The following OGDH variants were observed in gnomAD, a reference collection of about 807,000 sequenced individuals.
OGDH encodes the protein oxoglutarate dehydrogenase.
In OGDH, 38 loss-of-function variants were observed where a neutral mutation model predicts 116.6. The ratio of observed to expected loss-of-function variants is 0.33; its 90% confidence interval spans 0.25 to 0.43. The LOEUF is 0.43. Ranked by LOEUF, OGDH falls within the 20% of genes least tolerant of loss-of-function variation. The pLI is 1.00. For missense variants in OGDH, 825 were observed against 1,357.2 expected (o/e 0.61, Z 6.16); for synonymous variants, 488 against 533.3 (o/e 0.92, Z 1.17).
chr7:44,663,508 C>G (rs542728057), intron 4 of OGDH, among the ~76,000 whole-genome samples: 13 of 152,294 alleles, frequency 8.5e-5, no homozygotes, highest in African/African-American at 3.1e-4. Flanking sequence ...GTGGCTCACG[C>G]CTTTAATCCC....
intron 1 of OGDH, among the ~76,000 whole-genome samples, chr7:44,616,846 T>TGTATATATATACACATATATATATAC (rs1784818522): frequency 1.6e-5 from 2 of 124,842 alleles, no homozygotes; most frequent in African/African-American, 3.1e-5. Flanking sequence ...CACATATACG[T>TGTATATATATACACATATATATATAC]GTATATATAT....
chr7:44,656,219 T>A, intron 4 of OGDH: 2 of 1,137,524 alleles, frequency 1.8e-6, no homozygotes, highest in South Asian at 2.7e-5. Context: ...GTTACTGTGG[T>A]AATGGTGTAG....
At position 44,707,187 on chromosome 7, in the gene OGDH, C is replaced by T. The variant is rs769551553; in HGVS notation, c.2633-38C>T. On this transcript the variant is annotated intron_variant, in intron 20 of 22. Transcript: ENST00000222673. The surrounding 1 kb of genome is among the most constrained non-coding windows in gnomAD (Gnocchi z 5.2). ...CCCAGGAGAGCTCTCAGCCACATAC[C>T]TGAGAGAACCAGCCTAGCCATGGGA... The T allele has an allele frequency of 6.2e-7, 1 of 1,609,228 alleles. No homozygotes were observed. Among genetic ancestry groups the T allele is most frequent in the Non-Finnish European group, 8.5e-7 (1 of 1,177,254 alleles).
chr7:44,676,287 G>A, intron 9 of OGDH, 138 bp downstream of exon 9: 5 of 1,530,834 alleles, frequency 3.3e-6, no homozygotes, highest in African/African-American at 1.4e-5. Flanking sequence ...CGGGCGCAGT[G>A]TCTCACGCCT....
In OGDH at chr7:44,632,733, C is replaced by T. The variant is rs534790109; in HGVS notation, c.222+8168C>T. On this transcript the variant is annotated intron_variant, in intron 2 of 22. Transcript: ENST00000222673. The stretch of plus-strand genomic sequence containing the variant: ...CCCCGGGTTCAAGTGATTCACCTGC[C>T]TCAGGCTCCCAAGTAGCTGGGACCA... Among the ~76,000 whole-genome samples, 5 of 152,162 alleles carry T rather than the reference C, an allele frequency of 3.3e-5. No individual in the cohort carries two copies. The East Asian group carries it at 9.8e-4, about 30-fold the overall frequency.
Position 44,707,989 on chromosome 7 carries a change from ACTT to A in OGDH, c.3065_3067del (p.Phe1022del), listed in dbSNP as rs1461250162. ...GCCTTCGACCTGGACGTCTTCAAGA[ACTT>A]CTCGTAGATGCTGCCTAGGGTTGCT... On this transcript the variant is annotated inframe_deletion, in exon 23 of 23. Coordinates refer to ENST00000222673, the MANE Select transcript of OGDH (RefSeq NM_002541.4). This position sits in a 1 kb window ranked among gnomAD's most constrained non-coding sequence, Gnocchi z 5.2. 4.3e-6 allele frequency: 7 copies of A among 1,613,172 alleles called. 1 individual carries two copies. The highest frequency in any genetic ancestry group is 3.3e-5 in the South Asian group (3 of 91,078).
At chr7:44,642,454 T>G (rs903331647) in intron 2 of OGDH, among the ~76,000 whole-genome samples, 2 of 151,706 alleles carry the variant, frequency 1.3e-5, no homozygotes, top group African/African-American at 4.8e-5. Context: ...AAGGAAAGTT[T>G]GCAGCCTTTT....
chr7:44,653,229 AT>A (rs1384852378), intron 4 of OGDH, among the ~76,000 whole-genome samples: 1 of 152,000 alleles, frequency 6.6e-6, no homozygotes, highest in Non-Finnish European at 1.5e-5. Context: ...AGTAGCCAGG[AT>A]TACAGATGTG....
intron 1 of OGDH, among the ~76,000 whole-genome samples, chr7:44,607,039 A>G (rs529834695): frequency 6.6e-6 from 1 of 152,324 alleles, no homozygotes; most frequent in Non-Finnish European, 1.5e-5. Context: ...CGCGGGCGTC[A>G]CGTGGTTAGG....
Position 44,629,681 on chromosome 7 carries a change from G to C in OGDH, c.222+5116G>C, listed in dbSNP as rs1585244603. Among the ~76,000 whole-genome samples the C allele has an allele frequency of 2.7e-5, 4 of 148,542 alleles. No homozygotes were observed. In the East Asian group the frequency reaches 8.2e-4, roughly 31 times the overall value. Reference sequence around the variant, plus strand: ...TGCAACTTCCGCTTCCTGGGTTCAAGCAATTCTCGTACCTCAGTCTCCCAG... The same window carrying C: ...TGCAACTTCCGCTTCCTGGGTTCAACCAATTCTCGTACCTCAGTCTCCCAG... On this transcript the variant is annotated intron_variant, in intron 2 of 22. Coordinates refer to ENST00000222673, the MANE Select transcript of OGDH (RefSeq NM_002541.4).
chr7:44,612,476 T>G (rs1262110506), intron 1 of OGDH, among the ~76,000 whole-genome samples: 1 of 151,310 alleles, frequency 6.6e-6, no homozygotes, highest in African/African-American at 2.4e-5. Flanking sequence ...CTCTGCATCC[T>G]GGGTTCAAGC....
At chr7:44,610,900 G>GC (rs1784538129) in intron 1 of OGDH, among the ~76,000 whole-genome samples, 1 of 152,110 alleles carries the variant, frequency 6.6e-6, no homozygotes, top group African/African-American at 2.4e-5. Flanking sequence ...GAGCCACCGC[G>GC]CTCAGCCCCT....
intron 2 of OGDH, among the ~76,000 whole-genome samples, chr7:44,627,623 A>G (rs1357134421): frequency 6.6e-6 from 1 of 152,158 alleles, no homozygotes; most frequent in Non-Finnish European, 1.5e-5. Context: ...CAAACTCAGC[A>G]TCTTCCTCTC....
chr7:44,696,574 T>C lies in OGDH; in HGVS notation c.1900+17T>C, dbSNP rs1196547109. 1 of 1,613,892 alleles carries C rather than the reference T, an allele frequency of 6.2e-7. No homozygotes were observed. Among genetic ancestry groups the C allele is most frequent in the African/African-American group, 1.3e-5 (1 of 74,956 alleles). ...TTCATGGAGGTAACACGCTCTGTGC[T>C]GACCTGTGGAAATGTTGGGGCCCAG... On this transcript the variant is annotated intron_variant, in intron 14 of 22. Coordinates refer to ENST00000222673, the MANE Select transcript of OGDH (RefSeq NM_002541.4).
intron 4 of OGDH, among the ~76,000 whole-genome samples, chr7:44,662,445 CTTTCTTTTCT>C (rs1159773572): frequency 1.8e-4 from 27 of 148,270 alleles, no homozygotes; most frequent in Admixed American, 1.2e-3. Flanking sequence ...TGTGCCATTT[CTTTCTTTTCT>C]TTTCTTTTCT....
rs1562661197 is a variant in OGDH at position 44,674,401 on chromosome 7, C to T, written c.789-10C>T. The T allele has an allele frequency of 6.2e-7, 1 of 1,614,010 alleles. No homozygotes were observed. The highest frequency in any genetic ancestry group is 1.1e-5 in the South Asian group (1 of 91,070). ...CATTGCCCTTCAAGGTGGCTTGGTT[C>T]CCTGTCCAGGTTTGAGGAGTTCCTA... On this transcript the variant is annotated splice_polypyrimidine_tract_variant and intron_variant, in intron 6 of 22. Coordinates refer to ENST00000222673, the MANE Select transcript of OGDH (RefSeq NM_002541.4).
At chr7:44,637,001 C>T (rs946102885) in intron 2 of OGDH, among the ~76,000 whole-genome samples, 2 of 152,118 alleles carry the variant, frequency 1.3e-5, no homozygotes, top group Admixed American at 1.3e-4. Flanking sequence ...CAAAAGTCAG[C>T]CATTACCCTG....
In OGDH at chr7:44,647,747, A is replaced by G. The variant is rs200229019; in HGVS notation, c.505A>G (p.Thr169Ala). 1.3e-4 allele frequency: 206 copies of G among 1,613,900 alleles called. No individual in the cohort carries two copies. The highest frequency in any genetic ancestry group is 6.3e-5 in the Non-Finnish European group (74 of 1,179,892). ...SSVPADIISSTDKLGFYGLDE... is the reference protein window; with the variant it reads ...SSVPADIISSADKLGFYGLDE... Reference sequence around the variant, plus strand: ...CGTGCCCGCTGACATTATCTCATCCACAGACAAACTTGGTGAGGGTCTGAG... The same window carrying G: ...CGTGCCCGCTGACATTATCTCATCCGCAGACAAACTTGGTGAGGGTCTGAG... The change falls in exon 4 of 23, where the codon ACA (threonine) becomes GCA (alanine). Residue 169 changes from threonine (T) to alanine (A), a missense_variant. By Grantham distance (58) the Thr-to-Ala change is moderately conservative. Around this residue, in one of 7 missense-constraint regions of OGDH, gnomAD observed 171 missense variants for 276.8 expected, o/e 0.62. Transcript: ENST00000222673.
intron 3 of OGDH, among the ~76,000 whole-genome samples, chr7:44,646,476 C>T (rs1430747511): frequency 6.6e-6 from 1 of 152,240 alleles, no homozygotes; most frequent in Non-Finnish European, 1.5e-5. Context: ...TGTATTCTGC[C>T]TTAGAAAGGA....
Sources: allele counts gnomAD v4.1 joint callset (sites outside exome capture counted in the v4.1 genomes callset), GRCh38; gene constraint gnomAD v4.1.1; regional missense constraint gnomAD v4.1.1; non-coding constraint Gnocchi (gnomAD v3.1); transcripts MANE v1.5; gene names NCBI Gene and HGNC (gene_info 2026-07-23, HGNC 2026-07-21).